The following DPYD variants were observed in gnomAD, a reference collection of about 807,000 sequenced individuals.
DPYD encodes dihydropyrimidine dehydrogenase [NADP(+)].
DPYD carries 109 observed loss-of-function variants against 116.2 expected under a neutral mutation model. That is an observed-to-expected ratio of 0.94 (90% CI 0.80 to 1.10). The LOEUF is 1.10. DPYD is among the 50% of genes least tolerant of loss of function. The pLI, the probability that DPYD is intolerant of heterozygous loss-of-function variation, is 0.00. For synonymous variants in DPYD, 440 were observed against 432.0 expected, an observed-to-expected ratio of 1.02 and a Z score of -0.23; for missense variants, 1,302 against 1,254.5, an observed-to-expected ratio of 1.04 and a Z score of -0.57.
chr1:97,390,444 T>C (rs1360467842), intron 14 of DPYD, among the ~76,000 whole-genome samples: 1 of 152,018 alleles, frequency 6.6e-6, no homozygotes, highest in Non-Finnish European at 1.5e-5. Flanking sequence ...CCATACAACA[T>C]TCAAATTTTA....
chr1:97,565,914 G>A (rs1006703659), intron 11 of DPYD, among the ~76,000 whole-genome samples: 1 of 152,154 alleles, frequency 6.6e-6, no homozygotes, highest in African/African-American at 2.4e-5. Context: ...ACGAAGATGA[G>A]AACATGCATG....
At chr1:97,533,846 T>C (rs1003032996) in intron 12 of DPYD, among the ~76,000 whole-genome samples, 1 of 152,104 alleles carries the variant, frequency 6.6e-6, no homozygotes, top group Non-Finnish European at 1.5e-5. Context: ...CACTTCAAAA[T>C]AGAAATAACA....
At chr1:97,868,086 C>CAA (rs373009707) in intron 2 of DPYD, among the ~76,000 whole-genome samples, 3 of 142,448 alleles carry the variant, frequency 2.1e-5, no homozygotes, top group African/African-American at 7.7e-5. Context: ...ATAAACCACC[C>CAA]AAAAAAAAAA....
chr1:97,868,759 C>T (rs1223721923), intron 2 of DPYD, among the ~76,000 whole-genome samples: 1 of 151,752 alleles, frequency 6.6e-6, no homozygotes, highest in African/African-American at 2.4e-5. Flanking sequence ...TTATATTATA[C>T]CCTACTGCCT....
At chr1:97,096,385 T>C (rs1264216258) in intron 21 of DPYD, among the ~76,000 whole-genome samples, 1 of 152,138 alleles carries the variant, frequency 6.6e-6, no homozygotes, top group African/African-American at 2.4e-5. Context: ...TATCTTCCTT[T>C]AGAAATTTTT....
In DPYD at chr1:97,310,596, T is replaced by G. The variant is rs182089092; in HGVS notation, c.2059-4299A>C. On this transcript the variant is annotated intron_variant, in intron 16 of 22. Coordinates refer to ENST00000370192, the MANE Select transcript of DPYD (RefSeq NM_000110.4). ...ACTATGTGTTGAAATGGAGATGTTT[T>G]TATTAACTATTTTTTAGCATGTGTC... Among the ~76,000 whole-genome samples the G allele has an allele frequency of 2.1e-3, 322 of 151,936 alleles. 2 individuals are homozygous for G. The highest frequency in any genetic ancestry group is 3.8e-3 in the Non-Finnish European group (261 of 67,844).
Position 97,264,229 on chromosome 1 carries a change from C to T in DPYD, c.2300-29235G>A, listed in dbSNP as rs1405812021. 6.5e-5 allele frequency among the ~76,000 whole-genome samples: 8 copies of T among 123,372 alleles called. No individual in the cohort carries two copies. In the South Asian group the frequency reaches 8.1e-4, roughly 12 times the overall value. The allele number at this position is 123,372 out of a possible 152,430, so 80.9% of individuals were successfully genotyped here. On this transcript the variant is annotated intron_variant, in intron 18 of 22. Transcript: ENST00000370192. ...TTACTCTGTTGCCCAGGCTGAAGTG[C>T]AGAACTCATTGCAGCCTCAAATTCT...
chr1:97,297,844 C>A (rs929489715), intron 18 of DPYD, among the ~76,000 whole-genome samples: 1 of 152,170 alleles, frequency 6.6e-6, no homozygotes, highest in South Asian at 2.1e-4. Flanking sequence ...GTAATTTTAT[C>A]CTTGCCTAAC....
intron 13 of DPYD, 76 bp from the exon 14 acceptor site, chr1:97,450,299 T>A: frequency 6.6e-7 from 1 of 1,511,166 alleles, no homozygotes; most frequent in East Asian, 2.3e-5. Context: ...CTCATTTCCA[T>A]ATGACAATAT....
intron 21 of DPYD, among the ~76,000 whole-genome samples, chr1:97,094,357 A>G (rs1360566295): frequency 6.6e-6 from 1 of 152,178 alleles, no homozygotes; most frequent in East Asian, 1.9e-4. Flanking sequence ...GGAGGACAAA[A>G]GAAAGCAGGA....
At chr1:97,912,719 G>C (rs953268202) in intron 1 of DPYD, among the ~76,000 whole-genome samples, 1 of 152,072 alleles carries the variant, frequency 6.6e-6, no homozygotes, top group African/African-American at 2.4e-5. Context: ...TACACTAAAA[G>C]TTAACAGGAA....
chr1:97,679,204 A>G, intron 7 of DPYD, 22 bp from the exon 8 acceptor site: 2 of 1,377,538 alleles, frequency 1.5e-6, no homozygotes, highest in South Asian at 1.3e-5. Flanking sequence ...AATATTTTGC[A>G]TAAGAAAATT....
At chr1:97,462,050 G>A (rs981893997) in intron 13 of DPYD, among the ~76,000 whole-genome samples, 2 of 152,046 alleles carry the variant, frequency 1.3e-5, no homozygotes, top group African/African-American at 4.8e-5. Context: ...CCTGAAAGGT[G>A]ATCCATATGG....
intron 18 of DPYD, among the ~76,000 whole-genome samples, chr1:97,250,468 C>T (rs148932816): frequency 4.9e-4 from 75 of 152,018 alleles, no homozygotes; most frequent in African/African-American, 1.8e-3. Context: ...CATAACAGCT[C>T]AAAACTGGAA....
intron 20 of DPYD, among the ~76,000 whole-genome samples, chr1:97,130,876 T>C (rs994072045): frequency 2.8e-5 from 4 of 143,966 alleles, no homozygotes; most frequent in Non-Finnish European, 4.5e-5. Context: ...CCTTCCTTCC[T>C]TCCTTCCTTC....
chr1:97,598,442 C>T (rs1346890669), intron 8 of DPYD, among the ~76,000 whole-genome samples: 10 of 152,076 alleles, frequency 6.6e-5, no homozygotes, highest in East Asian at 1.9e-4. Flanking sequence ...AACAGTTCAG[C>T]GTAGTAGATA....
intron 8 of DPYD, among the ~76,000 whole-genome samples, chr1:97,651,952 CTACTA>C (rs1247764661): frequency 6.6e-6 from 1 of 151,900 alleles, no homozygotes; most frequent in African/African-American, 2.4e-5. Context: ...ATTTATCTAC[CTACTA>C]TAATTTTTAA....
intron 18 of DPYD, among the ~76,000 whole-genome samples, chr1:97,290,111 A>G (rs1351981541): frequency 6.6e-6 from 1 of 152,198 alleles, no homozygotes; most frequent in African/African-American, 2.4e-5. Flanking sequence ...AGAATAAAAT[A>G]CCTAGGGACC....
At chr1:97,913,512 G>A (rs1488848193) in intron 1 of DPYD, among the ~76,000 whole-genome samples, 1 of 152,130 alleles carries the variant, frequency 6.6e-6, no homozygotes, top group African/African-American at 2.4e-5. Context: ...ATGGCATAGA[G>A]CAAAATTATC....
Sources: allele counts gnomAD v4.1 joint callset (sites outside exome capture counted in the v4.1 genomes callset), GRCh38; gene constraint gnomAD v4.1.1; transcripts MANE v1.5; gene names NCBI Gene and HGNC (gene_info 2026-07-23, HGNC 2026-07-21).